TOM1: variants seen among roughly 807,000 people sequenced by gnomAD.
TOM1 encodes target of Myb protein 1.
A neutral mutation model predicts 61.3 loss-of-function variants in TOM1; 38 were observed. The observed-to-expected ratio is 0.62, with a 90% CI of 0.48 to 0.81. The LOEUF is 0.81. Ranked by LOEUF, TOM1 falls within the 40% of genes least tolerant of loss-of-function variation. TOM1 has a pLI of 0.00. For synonymous variants in TOM1, 270 were observed against 268.8 expected (o/e 1.00, Z -0.04); for missense variants, 591 against 659.6 (o/e 0.90, Z 1.14).
At chr22:35,303,326 A>G (rs954426298) in intron 1 of TOM1, among the ~76,000 whole-genome samples, 8 of 151,770 alleles carry the variant, frequency 5.3e-5, no homozygotes, top group Admixed American at 1.3e-4. Context: ...CCCTTGCCCT[A>G]TGACTTTGGG....
chr22:35,343,343 C>CACA (rs1555897909), intron 12 of TOM1, among the ~76,000 whole-genome samples: 3 of 16,576 alleles, frequency 1.8e-4, no homozygotes, highest in Non-Finnish European at 3.6e-4. Context: ...CACACACACA[C>CACA]CACACACATC....
In TOM1 at chr22:35,330,354, A is replaced by T; in HGVS notation, c.773A>T (p.Asn258Ile). The T allele has an allele frequency of 6.2e-7, 1 of 1,611,828 alleles. No individual in the cohort carries two copies. Among genetic ancestry groups the T allele is most frequent in the Non-Finnish European group, 8.5e-7 (1 of 1,179,234 alleles). ...PADLELLQEL[N>I]RTCRAMQQRV... ...CACTTCCTTTCCTGGCAGGAGCTCA[A>T]CCGCACGTGCCGAGCCATGCAGCAG... Residue 258 changes from asparagine (N) to isoleucine (I), a missense_variant, in exon 8 of 15, where the codon AAC becomes ATC. Asn to Ile is a moderately radical substitution (Grantham distance 149, BLOSUM62 -3). Transcript: ENST00000449058.
chr22:35,313,671 C>T (rs902378973), intron 1 of TOM1, among the ~76,000 whole-genome samples: 3 of 152,214 alleles, frequency 2.0e-5, no homozygotes, highest in Non-Finnish European at 4.4e-5. Flanking sequence ...CCATGAGGGG[C>T]AGGTGGGTCT....
At chr22:35,304,045 G>C (rs1375734738) in intron 1 of TOM1, among the ~76,000 whole-genome samples, 1 of 152,084 alleles carries the variant, frequency 6.6e-6, no homozygotes, top group African/African-American at 2.4e-5. Context: ...AGCGTCCTGG[G>C]TATTAATCTC....
intron 3 of TOM1, 130 bp downstream of exon 3, chr22:35,322,167 G>A (rs754853608): frequency 1.6e-5 from 12 of 771,260 alleles, no homozygotes; most frequent in East Asian, 2.6e-5. Context: ...TGTAGGCAAC[G>A]CACTGTCCTG....
At chr22:35,333,119 TATCCAGGCCCATA>T (rs2145690522) in intron 9 of TOM1, 105 bp downstream of exon 9, 1 of 1,257,262 alleles carries the variant, frequency 8.0e-7, no homozygotes, top group South Asian at 1.2e-5. Flanking sequence ...GGTGCTGTCT[TATCCAGGCCCATA>T]GAGAAATCCC....
intron 11 of TOM1, among the ~76,000 whole-genome samples, chr22:35,335,202 G>A (rs1324641159): frequency 6.6e-6 from 1 of 152,186 alleles, no homozygotes; most frequent in African/African-American, 2.4e-5. Flanking sequence ...GGGCTGAGCT[G>A]TGGGCAGCCA....
chr22:35,333,058 GGAA>G (rs750116536), intron 9 of TOM1, 44 bp downstream of exon 9: 20 of 1,603,420 alleles, frequency 1.2e-5, no homozygotes, highest in African/African-American at 1.1e-4. Context: ...CCTGTTCATG[GGAA>G]GAAGGAGTGC....
At chr22:35,324,053 C>T (rs1928096095) in intron 6 of TOM1, 139 bp downstream of exon 6, 2 of 1,081,152 alleles carry the variant, frequency 1.8e-6, no homozygotes, top group African/African-American at 3.2e-5. Flanking sequence ...TGTGGTTCTT[C>T]CTGTTTGAGC....
chr22:35,342,401 T>C (rs574686540), intron 12 of TOM1, among the ~76,000 whole-genome samples: 2 of 152,082 alleles, frequency 1.3e-5, no homozygotes, highest in Admixed American at 1.3e-4. Flanking sequence ...TCTGGGGCCC[T>C]AGGAAACTGC....
At chr22:35,320,252 G>A (rs1927649692) in intron 2 of TOM1, among the ~76,000 whole-genome samples, 1 of 152,224 alleles carries the variant, frequency 6.6e-6, no homozygotes, top group Non-Finnish European at 1.5e-5. Context: ...GATTTTAGCT[G>A]AGGCTTCACC....
rs569523141 is a variant in TOM1, at chr22:35,304,733, C to T, written c.52+4753C>T. ...GACCTCATGAACCACCCACCTCGGC[C>T]TCCCAAAGTGCTGGGATTACAGGCG... is the stretch of plus-strand genomic sequence containing the variant. On this transcript the variant is annotated intron_variant, in intron 1 of 14. Coordinates refer to ENST00000449058, the MANE Select transcript of TOM1 (RefSeq NM_005488.3). Among the ~76,000 whole-genome samples, 41 of 152,370 alleles carry T rather than the reference C, an allele frequency of 2.7e-4. No individual in the cohort carries two copies. The South Asian group carries it at 8.5e-3, about 32-fold the overall frequency.
Position 35,323,257 on chromosome 22 carries a change from C to T in TOM1, c.366+80C>T. The T allele has an allele frequency of 6.4e-7, 1 of 1,550,650 alleles. No individual in the cohort carries two copies. The highest frequency in any genetic ancestry group is 1.4e-5 in the African/African-American group (1 of 72,716). On this transcript the variant is annotated intron_variant, in intron 4 of 14. Coordinates refer to ENST00000449058, the MANE Select transcript of TOM1 (RefSeq NM_005488.3). This position sits in a 1 kb window ranked among gnomAD's most constrained non-coding sequence, Gnocchi z 4.2. Reference sequence around the variant, plus strand: ...TTCCTGCCCAGTGGAGAGTCGAGGCCATCGTGTTTGTCCCAGGCTCCGCTT... The same window carrying T: ...TTCCTGCCCAGTGGAGAGTCGAGGCTATCGTGTTTGTCCCAGGCTCCGCTT...
chr22:35,302,255 A>C (rs73885905), intron 1 of TOM1, among the ~76,000 whole-genome samples: 1,579 of 150,062 alleles, frequency 0.011, 28 homozygotes, highest in African/African-American at 0.037. Context: ...CCAACCCCAG[A>C]GTTTCTGACT....
rs543445635 is a variant in TOM1, at chr22:35,341,691, G to T, written c.1224+2903G>T. Among the ~76,000 whole-genome samples, 9 of 152,260 alleles carry T rather than the reference G, an allele frequency of 5.9e-5. No homozygotes were observed. The East Asian group carries it at 1.2e-3, about 20-fold the overall frequency. ...TCCCTAGGGGCACACAGCAATTCAG[G>T]CGTGACTAAAACTAGAGCCCAGGTG... On this transcript the variant is annotated intron_variant, in intron 12 of 14. Coordinates refer to ENST00000449058, the MANE Select transcript of TOM1 (RefSeq NM_005488.3).
At chr22:35,339,397 G>C (rs1303903426) in intron 12 of TOM1, among the ~76,000 whole-genome samples, 1 of 152,040 alleles carries the variant, frequency 6.6e-6, no homozygotes, top group Non-Finnish European at 1.5e-5. Context: ...CCAGTTACCA[G>C]CTATGTGTCC....
In TOM1 at chr22:35,323,954, G is replaced by A; in HGVS notation, c.648+40G>A. On this transcript the variant is annotated intron_variant, in intron 6 of 14. Coordinates refer to ENST00000449058, the MANE Select transcript of TOM1 (RefSeq NM_005488.3). The surrounding 1 kb of genome is among the most constrained non-coding windows in gnomAD (Gnocchi z 4.2). ...GGTCAGAACCGTCAGGTCCAGGCAG[G>A]TGGGCCACACACGTCAGGGAGGGCC... 7 of 1,516,162 alleles carry A rather than the reference G, an allele frequency of 4.6e-6. No homozygotes were observed. Among genetic ancestry groups the A allele is most frequent in the Non-Finnish European group, 6.2e-6 (7 of 1,131,040 alleles). The allele number at this position is 1,516,162 out of a possible 1,614,324, so 93.9% of individuals were successfully genotyped here.
chr22:35,303,148 A>ACACACACACACC (rs1327357289), intron 1 of TOM1, among the ~76,000 whole-genome samples: 2 of 148,954 alleles, frequency 1.3e-5, no homozygotes, highest in African/African-American at 2.5e-5. Context: ...ACACACACAC[A>ACACACACACACC]CCCCTTTGTG....
At chr22:35,342,076 G>A (rs999129508) in intron 12 of TOM1, among the ~76,000 whole-genome samples, 46 of 152,072 alleles carry the variant, frequency 3.0e-4, no homozygotes, top group African/African-American at 1.0e-3. Flanking sequence ...AGGAGTTTGA[G>A]GTTATCGTGA....
Sources: gnomAD v4.1 joint callset for allele counts (sites outside exome capture counted in the v4.1 genomes callset) on GRCh38, gnomAD v4.1.1 for gene constraint, Gnocchi (gnomAD v3.1) non-coding constraint, MANE v1.5 for transcripts, NCBI Gene and HGNC (gene_info 2026-07-23, HGNC 2026-07-21) for gene names.